The following SLC9A4 variants were observed in gnomAD, a reference collection of about 807,000 sequenced individuals.
SLC9A4 encodes sodium/hydrogen exchanger 4.
In SLC9A4, 63 loss-of-function variants were observed where a neutral mutation model predicts 67.4. That is an observed-to-expected ratio of 0.93 (90% CI 0.76 to 1.15). The LOEUF is 1.15. Among genes scored for constraint, SLC9A4 ranks in the 50% most tolerant of loss-of-function variants. The probability of loss-of-function intolerance (pLI) is 0.00; values close to 1 mark genes in which losing one functional copy is unlikely to be tolerated. For missense variants in SLC9A4, 1,089 were observed against 987.7 expected (o/e 1.10, Z -1.38); for synonymous variants, 393 against 367.2 (o/e 1.07, Z -0.80).
At chr2:102,531,936 G>C (rs747606526) in intron 11 of SLC9A4, among the ~76,000 whole-genome samples, 4 of 152,174 alleles carry the variant, frequency 2.6e-5, no homozygotes, top group Non-Finnish European at 5.9e-5. Flanking sequence ...CAAGATAAAA[G>C]CAACCACTTT....
rs1488193120 is a variant in SLC9A4, at chr2:102,505,462, A to C, written c.1189A>C (p.Arg397=). The C allele has an allele frequency of 1.2e-6, 2 of 1,613,866 alleles. No individual in the cohort carries two copies. Among genetic ancestry groups the C allele is most frequent in the Non-Finnish European group, 1.7e-6 (2 of 1,180,036 alleles). The part of the protein sequence containing the change: ...CFTLAFCQIW[R]AISVFALFYI... ...CACCCTGGCCTTCTGCCAAATCTGG[A>C]GAGCCATCAGTAAGAGACGGCAGGG... The change falls in exon 4 of 12, where the codon AGA becomes CGA. Residue 397 remains arginine, a synonymous_variant. Coordinates refer to ENST00000295269, the MANE Select transcript of SLC9A4 (RefSeq NM_001011552.4).
At chr2:102,512,584 C>T (rs1400921954) in intron 7 of SLC9A4, among the ~76,000 whole-genome samples, 1 of 152,176 alleles carries the variant, frequency 6.6e-6, no homozygotes, top group Non-Finnish European at 1.5e-5. Flanking sequence ...ATCAGCTCTA[C>T]CACGGAATGG....
At chr2:102,476,147 C>A (rs1290832246) in intron 1 of SLC9A4, among the ~76,000 whole-genome samples, 1 of 152,210 alleles carries the variant, frequency 6.6e-6, no homozygotes, top group East Asian at 1.9e-4. Context: ...AAACACCCAA[C>A]TATATGCACT....
intron 4 of SLC9A4, 181 bp downstream of exon 4, chr2:102,505,652 G>A: frequency 3.3e-6 from 2 of 599,732 alleles, no homozygotes; most frequent in Non-Finnish European, 5.8e-6. Context: ...TCAGCTCAAA[G>A]TAATTAGTGG....
In SLC9A4 at chr2:102,505,243, T is replaced by C; in HGVS notation, c.981-11T>C. 1 of 1,612,130 alleles carries C rather than the reference T, an allele frequency of 6.2e-7. No individual in the cohort carries two copies. Among genetic ancestry groups the C allele is most frequent in the Non-Finnish European group, 8.5e-7 (1 of 1,178,948 alleles). ...TCATGGATTTTCTCTGAGACTCTGC[T>C]CCTTTTATAGAATCACAGCCTGCGC... On this transcript the variant is annotated splice_polypyrimidine_tract_variant and intron_variant, in intron 3 of 11. Transcript: ENST00000295269.
At chr2:102,510,007 CT>C (rs35336558) in intron 6 of SLC9A4, among the ~76,000 whole-genome samples, 84,626 of 147,078 alleles carry the variant, frequency 0.58, 24,726 homozygotes, top group Middle Eastern at 0.67. Context: ...ATCATACTTC[CT>C]TTTTTTTTTT....
intron 2 of SLC9A4, among the ~76,000 whole-genome samples, chr2:102,486,318 C>T (rs927525776): frequency 2.0e-5 from 3 of 152,122 alleles, no homozygotes; most frequent in Non-Finnish European, 2.9e-5. Flanking sequence ...CAAAATAGCA[C>T]GTGGCACAGA....
chr2:102,522,531 TC>T (rs1185620137), intron 9 of SLC9A4, among the ~76,000 whole-genome samples: 1 of 152,108 alleles, frequency 6.6e-6, no homozygotes, highest in Non-Finnish European at 1.5e-5. Flanking sequence ...AAGCCAAATG[TC>T]CAAGTGTTCC....
chr2:102,476,606 T>C (rs1340449089), intron 1 of SLC9A4, among the ~76,000 whole-genome samples: 1 of 152,142 alleles, frequency 6.6e-6, no homozygotes, highest in Non-Finnish European at 1.5e-5. Context: ...CACTATGGGC[T>C]CTTCCACCTC....
chr2:102,479,235 C>T lies in SLC9A4; in HGVS notation c.653C>T (p.Ala218Val), dbSNP rs777785332. 2.5e-6 allele frequency: 4 copies of T among 1,614,126 alleles called. No individual in the cohort carries two copies. The highest frequency in any genetic ancestry group is 3.4e-6 in the Non-Finnish European group (4 of 1,180,018). ...PVAVLAVFEE[A>V]RVNEQLYMMI... ...GCCGTGCTAGCCGTGTTTGAGGAAG[C>T]GCGCGTGAACGAGCAGCTCTACATG... Residue 218 changes from alanine (A) to valine (V), a missense_variant, in exon 2 of 12, where the codon GCG becomes GTG. Physicochemically the swap from Ala to Val is moderately conservative, Grantham distance 64. Coordinates refer to ENST00000295269, the MANE Select transcript of SLC9A4 (RefSeq NM_001011552.4).
chr2:102,524,338 T>G (rs981022987), intron 9 of SLC9A4, among the ~76,000 whole-genome samples: 2 of 152,294 alleles, frequency 1.3e-5, no homozygotes, highest in African/African-American at 4.8e-5. Flanking sequence ...GAAATTTCAG[T>G]TAAGCATTTT....
At position 102,476,477 on chromosome 2, in the gene SLC9A4, C is replaced by T. The variant is rs1043840359; in HGVS notation, c.257-2362C>T. Among the ~76,000 whole-genome samples the T allele has an allele frequency of 3.3e-5, 5 of 152,350 alleles. No individual in the cohort carries two copies. In the South Asian group the frequency reaches 1.0e-3, roughly 32 times the overall value. ...CTACTTATAGGTGTGTGGCCTCTTC[C>T]TGCTACAACTGTGTAGAGAGCAACT... On this transcript the variant is annotated intron_variant, in intron 1 of 11. Coordinates refer to ENST00000295269, the MANE Select transcript of SLC9A4 (RefSeq NM_001011552.4).
chr2:102,511,079 C>T (rs1443112212), intron 6 of SLC9A4, among the ~76,000 whole-genome samples: 1 of 152,178 alleles, frequency 6.6e-6, no homozygotes, highest in Non-Finnish European at 1.5e-5. Flanking sequence ...GAGATTCAAG[C>T]TTTGAGGAGA....
At chr2:102,489,065 T>C (rs190079666) in intron 2 of SLC9A4, among the ~76,000 whole-genome samples, 14 of 152,360 alleles carry the variant, frequency 9.2e-5, no homozygotes, top group Non-Finnish European at 1.5e-4. Flanking sequence ...AGTTTAAATC[T>C]ATCAGTTACA....
chr2:102,518,387 T>G (rs1685322003), intron 8 of SLC9A4, among the ~76,000 whole-genome samples: 1 of 152,212 alleles, frequency 6.6e-6, no homozygotes, highest in Non-Finnish European at 1.5e-5. Flanking sequence ...AGGAATGTGT[T>G]CAGATTGTGG....
rs766263142 is a variant in SLC9A4, at chr2:102,508,841, A to T, written c.1402-6A>T. 5 of 1,606,722 alleles carry T rather than the reference A, an allele frequency of 3.1e-6. No individual in the cohort carries two copies. Among genetic ancestry groups the T allele is most frequent in the Non-Finnish European group, 4.2e-6 (5 of 1,177,544 alleles). On this transcript the variant is annotated splice_region_variant and splice_polypyrimidine_tract_variant and intron_variant, in intron 5 of 11. Transcript: ENST00000295269. ...AAAACCCTTTGTTTTGTTATTTCTG[A>T]TCTAGGGAATCACAGTTGGCCCTCT...
chr2:102,496,073 A>G (rs1201168081), intron 2 of SLC9A4, among the ~76,000 whole-genome samples: 1 of 152,206 alleles, frequency 6.6e-6, no homozygotes, highest in African/African-American at 2.4e-5. Flanking sequence ...CAAAATGCAC[A>G]GTCAAAAAAG....
chr2:102,481,459 G>A (rs1299203475), intron 2 of SLC9A4, among the ~76,000 whole-genome samples: 1 of 151,746 alleles, frequency 6.6e-6, no homozygotes, highest in Non-Finnish European at 1.5e-5. Context: ...GTCCTTTCTG[G>A]GTTGACAAAC....
At chr2:102,512,855 T>TG (rs1685192268) in intron 7 of SLC9A4, among the ~76,000 whole-genome samples, 1 of 152,030 alleles carries the variant, frequency 6.6e-6, no homozygotes, top group Admixed American at 6.6e-5. Context: ...TCACTGAGGA[T>TG]GGGGCTCTGA....
Sources: gnomAD v4.1 joint callset for allele counts (sites outside exome capture counted in the v4.1 genomes callset) on GRCh38, gnomAD v4.1.1 for gene constraint, MANE v1.5 for transcripts, NCBI Gene and HGNC (gene_info 2026-07-23, HGNC 2026-07-21) for gene names.